KYAT3: variants seen among roughly 807,000 people sequenced by gnomAD.
KYAT3 encodes kynurenine--oxoglutarate transaminase 3.
KYAT3 carries 50 observed loss-of-function variants against 59.0 expected under a neutral mutation model. The ratio of observed to expected loss-of-function variants is 0.85; its 90% CI spans 0.68 to 1.07. KYAT3 has a LOEUF of 1.07. Ranked by LOEUF, KYAT3 falls within the 50% of genes least tolerant of loss-of-function variation. The pLI is 0.00. For synonymous variants in KYAT3, 148 were observed against 177.0 expected, an observed-to-expected ratio of 0.84 and a Z score of 1.30; for missense variants, 497 against 533.3, an observed-to-expected ratio of 0.93 and a Z score of 0.67.
chr1:88,969,571 T>A (rs570287536), intron 2 of KYAT3, 104 bp from the exon 3 acceptor site: 47 of 657,782 alleles, frequency 7.1e-5, no homozygotes, highest in East Asian at 5.6e-4. Flanking sequence ...ACCATGTAAA[T>A]AGTAGTTCCA....
At chr1:88,989,888 A>G (rs1677688329) in intron 1 of KYAT3, among the ~76,000 whole-genome samples, 1 of 152,190 alleles carries the variant, frequency 6.6e-6, no homozygotes, top group African/African-American at 2.4e-5. Flanking sequence ...ACTGCTGGAG[A>G]AAGTCCCACG....
rs575197488 is a variant in KYAT3, at chr1:88,955,873, G to A, written c.788-648C>T. 3.3e-5 allele frequency among the ~76,000 whole-genome samples: 5 copies of A among 152,194 alleles called. No individual in the cohort carries two copies. The South Asian group carries it at 6.2e-4, about 19-fold the overall frequency. On this transcript the variant is annotated intron_variant, in intron 8 of 13. Transcript: ENST00000260508. The stretch of plus-strand genomic sequence containing the variant: ...TGTGTGTGTGTATGTGTGTATGGGC[G>A]TGTGTTTTGCTAACAACTTTATTGG...
chr1:88,983,223 G>A (rs1677203958), intron 2 of KYAT3: 9 of 1,613,074 alleles, frequency 5.6e-6, no homozygotes, highest in South Asian at 1.1e-5. Flanking sequence ...ACATCTCTAC[G>A]AGAGGGGAGC....
At chr1:88,924,366 C>G in the KYAT3 span, among the ~76,000 whole-genome samples, 1 of 152,238 alleles carries the variant, frequency 6.6e-6, no homozygotes, top group Admixed American at 6.5e-5. Flanking sequence ...TACATGAAAT[C>G]ACACTCTTGC....
chr1:88,943,471 A>G (rs1557681076), intron 11 of KYAT3, 48 bp from the exon 12 acceptor site: 9 of 904,386 alleles, frequency 1.0e-5, no homozygotes, highest in Non-Finnish European at 1.6e-5. Flanking sequence ...CATCTGATGC[A>G]ACATGTATTT....
rs760470330 is a variant in KYAT3, at chr1:88,982,635, T to C, written c.99+5617A>G. The C allele has an allele frequency of 5.8e-5, 92 of 1,572,704 alleles. No individual in the cohort carries two copies. In the South Asian group the frequency reaches 9.3e-4, roughly 16 times the overall value. On this transcript the variant is annotated intron_variant, in intron 2 of 13. Transcript: ENST00000260508. ...TTGTTTCTTTGAACTGGGATTTTGG[T>C]CCAAAGTTTTGTTTGTTTCTAGTAT...
chr1:88,948,122 A>G (rs1372704660), intron 11 of KYAT3, among the ~76,000 whole-genome samples: 1 of 151,844 alleles, frequency 6.6e-6, no homozygotes, highest in Non-Finnish European at 1.5e-5. Context: ...AAACAAAACA[A>G]AACAAAACAA....
intron 2 of KYAT3, chr1:88,982,545 G>GT: frequency 7.0e-7 from 1 of 1,426,624 alleles, no homozygotes; most frequent in Non-Finnish European, 9.4e-7. Flanking sequence ...TTTAAAAAAG[G>GT]TAACACAATT....
At chr1:88,986,032 T>C (rs1159991978) in intron 2 of KYAT3, among the ~76,000 whole-genome samples, 1 of 151,802 alleles carries the variant, frequency 6.6e-6, no homozygotes, top group Non-Finnish European at 1.5e-5. Flanking sequence ...AATACAAATA[T>C]TGGCCGGGAG....
chr1:88,925,123 A>G, the KYAT3 span, among the ~76,000 whole-genome samples: 1 of 152,212 alleles, frequency 6.6e-6, no homozygotes, highest in African/African-American at 2.4e-5. Context: ...AATTGGAGGA[A>G]AATACTGGGC....
chr1:88,938,286 G>A (rs10158689), intron 13 of KYAT3, among the ~76,000 whole-genome samples: 5,510 of 152,214 alleles, frequency 0.036, 264 homozygotes, highest in African/African-American at 0.11. Context: ...TTTCTCTCCA[G>A]AGACAACACT....
intron 2 of KYAT3, chr1:88,981,644 GC>G (rs967051313): frequency 1.8e-5 from 3 of 167,464 alleles, no homozygotes; most frequent in African/African-American, 7.2e-5. Flanking sequence ...CCAACAATCA[GC>G]CGCCTTCTGC....
intron 10 of KYAT3, among the ~76,000 whole-genome samples, chr1:88,950,057 T>C (rs1675611111): frequency 6.6e-6 from 1 of 152,152 alleles, no homozygotes; most frequent in Non-Finnish European, 1.5e-5. Context: ...AGCTTGCTCC[T>C]TCCACCATGT....
the KYAT3 span, among the ~76,000 whole-genome samples, chr1:88,928,625 C>A: frequency 6.6e-6 from 1 of 152,170 alleles, no homozygotes. Flanking sequence ...GAGTCAGAAG[C>A]CACTAACCAG....
chr1:88,944,591 A>G (rs997003205), intron 11 of KYAT3, among the ~76,000 whole-genome samples: 1 of 152,222 alleles, frequency 6.6e-6, no homozygotes, highest in African/African-American at 2.4e-5. Flanking sequence ...TAAGGAAGTT[A>G]AATTATTATT....
chr1:88,939,547 C>T (rs1675161171), intron 13 of KYAT3, among the ~76,000 whole-genome samples: 1 of 152,150 alleles, frequency 6.6e-6, no homozygotes, highest in Admixed American at 6.5e-5. Context: ...CGAGGTATAT[C>T]TCAGTGTTAA....
intron 3 of KYAT3, among the ~76,000 whole-genome samples, chr1:88,969,118 G>A (rs1409949180): frequency 6.6e-6 from 1 of 152,130 alleles, no homozygotes; most frequent in East Asian, 1.9e-4. Context: ...AACTATTAGA[G>A]AACAGAACTA....
intron 2 of KYAT3, among the ~76,000 whole-genome samples, chr1:88,977,024 T>C (rs1045600292): frequency 3.3e-5 from 5 of 152,160 alleles, no homozygotes; most frequent in African/African-American, 1.2e-4. Context: ...TGTTCTGTTT[T>C]GTTTTTTTGA....
intron 2 of KYAT3, chr1:88,981,347 T>C (rs958999590): frequency 6.6e-6 from 1 of 152,262 alleles, no homozygotes; most frequent in African/African-American, 2.4e-5. Context: ...AAGTTCTAAA[T>C]TGAAGAGTTG....
Sources: allele counts gnomAD v4.1 joint callset (sites outside exome capture counted in the v4.1 genomes callset), GRCh38; gene constraint gnomAD v4.1.1; transcripts MANE v1.5; gene names NCBI Gene and HGNC (gene_info 2026-07-23, HGNC 2026-07-21).